Variants in AATF observed in about 807,000 individuals in gnomAD.
AATF encodes the protein protein AATF.
Under a neutral mutation model 63.7 loss-of-function variants are expected in AATF, and 48 were observed. The observed-to-expected ratio is 0.75, with a 90% confidence interval of 0.60 to 0.96. The LOEUF (loss-of-function observed/expected upper bound fraction) is 0.96, where lower values mean the gene tolerates loss of function less well. Ranked by LOEUF, AATF falls within the 40% of genes least tolerant of loss-of-function variation. The pLI, the probability that AATF is intolerant of heterozygous loss-of-function variation, is 0.00. For missense variants in AATF, 639 were observed against 685.7 expected (o/e 0.93, Z 0.76); for synonymous variants, 258 against 247.7 (o/e 1.04, Z -0.39).
intron 8 of AATF, among the ~76,000 whole-genome samples, chr17:36,999,702 G>A (rs2071279817): frequency 6.7e-6 from 1 of 148,952 alleles, no homozygotes; most frequent in Admixed American, 6.6e-5. Context: ...GGATAGGGAA[G>A]TGATGGTTAC....
intron 4 of AATF, among the ~76,000 whole-genome samples, chr17:36,985,563 A>G (rs1046156532): frequency 3.4e-5 from 5 of 148,878 alleles, no homozygotes; most frequent in African/African-American, 1.2e-4. Flanking sequence ...TGTTTTTTCC[A>G]GACAGAATCT....
At chr17:37,043,055 T>TA (rs2071656313) in intron 11 of AATF, 1 of 152,038 alleles carries the variant, frequency 6.6e-6, no homozygotes, top group Non-Finnish European at 1.5e-5. Context: ...TTTTTTTTTT[T>TA]AATTCCCACA....
chr17:37,021,616 G>A (rs768251749), intron 10 of AATF, among the ~76,000 whole-genome samples: 2 of 151,780 alleles, frequency 1.3e-5, no homozygotes, highest in East Asian at 1.9e-4. Context: ...GTGACAGAGC[G>A]AGATTCTATC....
At chr17:37,029,248 T>G (rs772386296) in intron 10 of AATF, among the ~76,000 whole-genome samples, 1 of 150,862 alleles carries the variant, frequency 6.6e-6, no homozygotes, top group Non-Finnish European at 1.5e-5. Context: ...TTTATTTTAC[T>G]TATTTATTTT....
chr17:36,950,553 G>T, intron 2 of AATF, 148 bp downstream of exon 2: 1 of 826,944 alleles, frequency 1.2e-6, no homozygotes, highest in Non-Finnish European at 1.8e-6. Flanking sequence ...AGGCTGGAGT[G>T]TGATGGCGCC....
intron 4 of AATF, among the ~76,000 whole-genome samples, chr17:36,983,649 A>C (rs574826428): frequency 3.3e-5 from 5 of 152,024 alleles, no homozygotes; most frequent in Non-Finnish European, 5.9e-5. Flanking sequence ...CTGTGCCCAG[A>C]CTGATTTTTT....
At chr17:37,014,770 A>G (rs1364832721) in intron 8 of AATF, among the ~76,000 whole-genome samples, 3 of 152,134 alleles carry the variant, frequency 2.0e-5, no homozygotes, top group Non-Finnish European at 4.4e-5. Context: ...GACTTTCTGG[A>G]TTATCCTCTA....
chr17:36,955,277 T>C (rs1257172048), intron 4 of AATF, among the ~76,000 whole-genome samples: 26 of 152,152 alleles, frequency 1.7e-4, no homozygotes, highest in East Asian at 1.9e-4. Context: ...TCAGTGAACG[T>C]TTCTTGTAGG....
intron 4 of AATF, among the ~76,000 whole-genome samples, chr17:36,975,901 G>A (rs1382504286): frequency 1.3e-5 from 2 of 152,164 alleles, no homozygotes; most frequent in Non-Finnish European, 2.9e-5. Flanking sequence ...CATCTTCTCT[G>A]ATGTACATGG....
rs2142195950 is a variant in AATF, at chr17:36,949,273, A to C, written c.91+57A>C. ...AGCGGTGGGCCAGGCCCTGTGGGGC[A>C]AGGGGGCGGCGTGGGAGGGGCGTGC... is the stretch of plus-strand genomic sequence containing the variant. On this transcript the variant is annotated intron_variant, in intron 1 of 11. Coordinates refer to ENST00000619387, the MANE Select transcript of AATF (RefSeq NM_012138.4). 5.3e-6 allele frequency: 8 copies of C among 1,501,254 alleles called. No homozygotes were observed. The South Asian group carries it at 9.9e-5, about 19-fold the overall frequency. 93.0% of individuals were successfully genotyped at this position (1,501,254 alleles called of 1,614,324 possible). A position where few individuals can be genotyped will look rare whatever the true frequency, so the allele number is the denominator to read the frequency against.
At chr17:36,981,488 G>T (rs1382007951) in intron 4 of AATF, among the ~76,000 whole-genome samples, 2 of 151,576 alleles carry the variant, frequency 1.3e-5, no homozygotes, top group South Asian at 2.1e-4. Flanking sequence ...TCGTTACCCG[G>T]ACTTGAGTGC....
intron 11 of AATF, among the ~76,000 whole-genome samples, chr17:37,044,325 G>A (rs971983774): frequency 2.6e-5 from 4 of 152,186 alleles, no homozygotes; most frequent in African/African-American, 9.6e-5. Context: ...CTTGAGGGCC[G>A]GCTCCTTATT....
intron 11 of AATF, among the ~76,000 whole-genome samples, chr17:37,035,806 C>A (rs1160588676): frequency 6.6e-6 from 1 of 152,122 alleles, no homozygotes. Context: ...AGGAGATAGT[C>A]TTTAATAGTT....
At chr17:36,995,156 G>A (rs1374391014) in intron 8 of AATF, among the ~76,000 whole-genome samples, 1 of 152,170 alleles carries the variant, frequency 6.6e-6, no homozygotes, top group Non-Finnish European at 1.5e-5. Flanking sequence ...GGTTTGTCCT[G>A]TCACTTTGAC....
chr17:37,014,213 C>T lies in AATF; in HGVS notation c.1399-4792C>T, dbSNP rs139165748. ...GGCTGAGGAGGCAGAGGCTGCAATG[C>T]GCTGAGATTGCACCACTGCACTCCA... On this transcript the variant is annotated intron_variant, in intron 8 of 11. Coordinates refer to ENST00000619387, the MANE Select transcript of AATF (RefSeq NM_012138.4). Among the ~76,000 whole-genome samples the T allele has an allele frequency of 8.7e-3, 1,326 of 151,616 alleles. 18 individuals carry two copies. The highest frequency in any genetic ancestry group is 0.031 in the African/African-American group (1,273 of 41,286).
chr17:36,989,237 G>A lies in AATF; in HGVS notation c.1150-10G>A, dbSNP rs376241786. On this transcript the variant is annotated splice_polypyrimidine_tract_variant and intron_variant, in intron 6 of 11. Coordinates refer to ENST00000619387, the MANE Select transcript of AATF (RefSeq NM_012138.4). The stretch of plus-strand genomic sequence containing the variant: ...TCTGCATTATCTGACACTGCTTAAT[G>A]TTGTTGCAGGGTTTTGGTGCCTTTG... 12 of 1,609,170 alleles carry A rather than the reference G, an allele frequency of 7.5e-6. No individual in the cohort carries two copies. Among genetic ancestry groups the A allele is most frequent in the Non-Finnish European group, 1.0e-5 (12 of 1,177,026 alleles).
intron 2 of AATF, among the ~76,000 whole-genome samples, chr17:36,951,616 A>C (rs1213323232): frequency 6.6e-6 from 1 of 152,200 alleles, no homozygotes; most frequent in Non-Finnish European, 1.5e-5. Context: ...AAGTTTGCTC[A>C]AGGTCATATA....
chr17:37,015,499 C>G (rs1016482630), intron 8 of AATF, among the ~76,000 whole-genome samples: 6 of 152,078 alleles, frequency 3.9e-5, no homozygotes, highest in African/African-American at 1.2e-4. Flanking sequence ...GGTGGAAAGG[C>G]AAAAGGGACA....
chr17:36,995,344 C>T (rs1317659197), intron 8 of AATF, among the ~76,000 whole-genome samples: 1 of 152,118 alleles, frequency 6.6e-6, no homozygotes, highest in East Asian at 1.9e-4. Context: ...ATTACTAATT[C>T]AGTGAACTAT....
Sources: gnomAD v4.1 joint callset for allele counts (sites outside exome capture counted in the v4.1 genomes callset) on GRCh38, gnomAD v4.1.1 for gene constraint, MANE v1.5 for transcripts, NCBI Gene and HGNC (gene_info 2026-07-23, HGNC 2026-07-21) for gene names.